Variants in ZDHHC14 observed in about 807,000 individuals in gnomAD.
The protein encoded by ZDHHC14 is palmitoyltransferase ZDHHC14.
A neutral mutation model predicts 47.7 loss-of-function variants in ZDHHC14; 16 were observed. That is an observed-to-expected ratio of 0.34 (90% CI 0.23 to 0.51). The LOEUF (loss-of-function observed/expected upper bound fraction) is 0.51. Among genes scored for constraint, ZDHHC14 ranks in the 20% least tolerant of loss-of-function variants. The pLI is 0.97. For synonymous variants in ZDHHC14, 293 were observed against 278.9 expected (o/e 1.05, Z -0.50); for missense variants, 515 against 662.5 (o/e 0.78, Z 2.44).
intron 2 of ZDHHC14, among the ~76,000 whole-genome samples, chr6:157,573,552 C>T (rs1783180924): frequency 6.6e-6 from 1 of 152,198 alleles, no homozygotes; most frequent in Middle Eastern, 3.2e-3. Flanking sequence ...GTGGGGTAGG[C>T]CCCCTGCTGC....
At chr6:157,452,658 G>T (rs537900979) in intron 1 of ZDHHC14, among the ~76,000 whole-genome samples, 4 of 147,578 alleles carry the variant, frequency 2.7e-5, no homozygotes, top group African/African-American at 5.0e-5. Flanking sequence ...AAGGTGTTTG[G>T]CAAATCTCAT....
chr6:157,627,764 G>A (rs552843289), intron 3 of ZDHHC14, among the ~76,000 whole-genome samples: 51 of 152,342 alleles, frequency 3.3e-4, no homozygotes, highest in Non-Finnish European at 6.0e-4. Flanking sequence ...TTGCCCATCT[G>A]TAAAATAGGG....
At chr6:157,550,669 C>G (rs1782194331) in intron 2 of ZDHHC14, among the ~76,000 whole-genome samples, 1 of 152,220 alleles carries the variant, frequency 6.6e-6, no homozygotes, top group Non-Finnish European at 1.5e-5. Context: ...ACAGTGTTTC[C>G]CCTCCTGAAT....
intron 2 of ZDHHC14, among the ~76,000 whole-genome samples, chr6:157,557,505 T>G (rs928963183): frequency 2.6e-5 from 4 of 152,184 alleles, no homozygotes; most frequent in Non-Finnish European, 5.9e-5. Context: ...ATTTTCACAT[T>G]CGGCAGAGGT....
chr6:157,422,055 GT>G (rs1265608955), intron 1 of ZDHHC14, among the ~76,000 whole-genome samples: 2 of 152,202 alleles, frequency 1.3e-5, no homozygotes, highest in Non-Finnish European at 2.9e-5. Flanking sequence ...AACTGATGAG[GT>G]GAGGAAACTC....
chr6:157,645,715 T>G (rs1394575415), intron 5 of ZDHHC14, 22 bp from the exon 6 acceptor site: 1 of 1,607,222 alleles, frequency 6.2e-7, no homozygotes, highest in African/African-American at 1.3e-5. Context: ...TCACTTCCGC[T>G]TGCCTCCTTG....
chr6:157,435,087 G>A (rs1233195986), intron 1 of ZDHHC14, among the ~76,000 whole-genome samples: 3 of 152,286 alleles, frequency 2.0e-5, no homozygotes, highest in Admixed American at 2.0e-4. Context: ...TTTTCACTCC[G>A]GAAGGAATCG....
chr6:157,442,533 G>A (rs35269893), intron 1 of ZDHHC14, among the ~76,000 whole-genome samples: 51,388 of 152,200 alleles, frequency 0.34, 9,489 homozygotes, highest in Middle Eastern at 0.51. Flanking sequence ...TCTAAGCCCC[G>A]CTCTCCCAGT....
In ZDHHC14 at chr6:157,519,398, G is replaced by A. The variant is rs1780831783; in HGVS notation, c.246-23187G>A. ...TTGCCTGGAAAAAAAAAAAAGAGAG[G>A]CTTTCCTCACTGGAGGCCTTCGCTT... is the stretch of plus-strand genomic sequence containing the variant. On this transcript the variant is annotated intron_variant, in intron 1 of 8. Transcript: ENST00000359775. Among the ~76,000 whole-genome samples the A allele has an allele frequency of 4.0e-5, 6 of 149,782 alleles. No individual in the cohort carries two copies. The South Asian group carries it at 1.3e-3, about 31-fold the overall frequency.
At chr6:157,410,600 T>A (rs1777853755) in intron 1 of ZDHHC14, among the ~76,000 whole-genome samples, 1 of 152,238 alleles carries the variant, frequency 6.6e-6, no homozygotes, top group Non-Finnish European at 1.5e-5. Context: ...TTTAGGCTAA[T>A]CTGGTTTCCT....
rs574941342 is a variant in ZDHHC14 at position 157,677,532 on chromosome 6, A to G, written c.*4410A>G. 1.6e-4 allele frequency: 25 copies of G among 152,260 alleles called. No individual in the cohort carries two copies. The highest frequency in any genetic ancestry group is 5.8e-4 in the African/African-American group (24 of 41,546). The allele number at this position is 152,260 out of a possible 1,614,324, so 9.4% of individuals were successfully genotyped here. A position where few individuals can be genotyped will look rare whatever the true frequency, so the allele number is the denominator to read the frequency against. ...TGAAGATTAGATGGTTTCTGGAGCA[A>G]CCGAATTTGCAGCTGCCACAAAACT... On this transcript the variant is annotated 3_prime_UTR_variant, in exon 9 of 9. Transcript: ENST00000359775.
Position 157,571,701 on chromosome 6 carries a change from C to G in ZDHHC14, c.407-21287C>G, listed in dbSNP as rs9457832. ...TACAAACCTGTCTCTCTCAGCTGTA[C>G]ACAGGGAGCTGTTATAAAAATGCAT... On this transcript the variant is annotated intron_variant, in intron 2 of 8. Transcript: ENST00000359775. 4.6e-3 allele frequency among the ~76,000 whole-genome samples: 696 copies of G among 151,450 alleles called. 7 individuals are homozygous for G. Among genetic ancestry groups the G allele is most frequent in the African/African-American group, 0.016 (653 of 41,192 alleles).
At chr6:157,406,157 C>T (rs1777757164) in intron 1 of ZDHHC14, among the ~76,000 whole-genome samples, 1 of 152,174 alleles carries the variant, frequency 6.6e-6, no homozygotes, top group African/African-American at 2.4e-5. Context: ...CACTTTCCCA[C>T]CAGGCCTGAG....
chr6:157,404,373 G>T (rs112989984), intron 1 of ZDHHC14, among the ~76,000 whole-genome samples: 1,699 of 152,246 alleles, frequency 0.011, 34 homozygotes, highest in African/African-American at 0.04. Context: ...GACTTCAGGT[G>T]ATCCCCTCAT....
intron 3 of ZDHHC14, among the ~76,000 whole-genome samples, chr6:157,612,788 A>G (rs369356402): frequency 6.6e-6 from 1 of 151,114 alleles, no homozygotes; most frequent in Non-Finnish European, 1.5e-5. Context: ...AGAGAATTTG[A>G]TGCTCCTCTT....
At chr6:157,643,192 A>C (rs1362267270) in intron 5 of ZDHHC14, among the ~76,000 whole-genome samples, 1 of 152,196 alleles carries the variant, frequency 6.6e-6, no homozygotes, top group Non-Finnish European at 1.5e-5. Flanking sequence ...GATGATGCTG[A>C]CGGTTCCTTG....
At chr6:157,544,594 G>A (rs1781899534) in intron 2 of ZDHHC14, among the ~76,000 whole-genome samples, 1 of 152,126 alleles carries the variant, frequency 6.6e-6, no homozygotes, top group Admixed American at 6.5e-5. Context: ...GGGTTGCAGT[G>A]AGCCAAGATG....
At chr6:157,522,086 T>C (rs1780936612) in intron 1 of ZDHHC14, among the ~76,000 whole-genome samples, 1 of 152,172 alleles carries the variant, frequency 6.6e-6, no homozygotes, top group Non-Finnish European at 1.5e-5. Flanking sequence ...GGTGGTGAAT[T>C]TGCCCTTCTC....
At chr6:157,425,556 G>T (rs1244390429) in intron 1 of ZDHHC14, among the ~76,000 whole-genome samples, 1 of 152,276 alleles carries the variant, frequency 6.6e-6, no homozygotes, top group East Asian at 1.9e-4. Context: ...CTTTCTAAAT[G>T]CTGAATTTTG....
Sources: allele counts gnomAD v4.1 joint callset (sites outside exome capture counted in the v4.1 genomes callset), GRCh38; gene constraint gnomAD v4.1.1; transcripts MANE v1.5; gene names NCBI Gene and HGNC (gene_info 2026-07-23, HGNC 2026-07-21).